Variants in MOGAT1 observed in about 807,000 individuals in gnomAD.
MOGAT1 encodes 2-acylglycerol O-acyltransferase 1.
MOGAT1 carries 32 observed loss-of-function variants against 31.4 expected under a neutral mutation model. The observed-to-expected ratio is 1.02, with a 90% CI of 0.77 to 1.37. MOGAT1 has a LOEUF of 1.37. MOGAT1 is among the 40% of genes most tolerant of loss of function. The probability of loss-of-function intolerance (pLI) is 0.00; values close to 1 mark genes in which losing one functional copy is unlikely to be tolerated. For missense variants in MOGAT1, 426 were observed against 402.0 expected (o/e 1.06, Z -0.51); for synonymous variants, 145 against 144.5 (o/e 1.00, Z -0.03).
At chr2:222,708,156 T>G (rs1223918005) in intron 5 of MOGAT1, among the ~76,000 whole-genome samples, 1 of 152,218 alleles carries the variant, frequency 6.6e-6, no homozygotes, top group African/African-American at 2.4e-5. Context: ...CAATCCGGTC[T>G]TACTGCAACC....
intron 1 of MOGAT1, among the ~76,000 whole-genome samples, chr2:222,687,300 G>C (rs1270486274): frequency 6.6e-6 from 1 of 151,990 alleles, no homozygotes; most frequent in African/African-American, 2.4e-5. Flanking sequence ...AAGTTGATTG[G>C]CAGTAGATAA....
At chr2:222,677,717 G>C in intron 1 of MOGAT1, 1 of 418,182 alleles carries the variant, frequency 2.4e-6, no homozygotes, top group South Asian at 2.0e-5. Flanking sequence ...TTTTCTTTCC[G>C]TGTCGATTCT....
chr2:222,706,932 C>T (rs1180019543), intron 5 of MOGAT1, among the ~76,000 whole-genome samples: 4 of 152,126 alleles, frequency 2.6e-5, no homozygotes, highest in Non-Finnish European at 5.9e-5. Context: ...TGGTGGCTCA[C>T]GCCGACCTAG....
At chr2:222,708,066 C>CT (rs61687108) in intron 5 of MOGAT1, among the ~76,000 whole-genome samples, 3,491 of 151,864 alleles carry the variant, frequency 0.023, 152 homozygotes, top group African/African-American at 0.079. Context: ...TGTACATTTT[C>CT]TTTTTTTTGT....
chr2:222,705,146 T>C (rs1374225014), intron 5 of MOGAT1, among the ~76,000 whole-genome samples: 1 of 152,212 alleles, frequency 6.6e-6, no homozygotes, highest in Non-Finnish European at 1.5e-5. Flanking sequence ...CCATGGCATT[T>C]GTAAACTGCC....
chr2:222,672,751 A>G (rs1692438857), intron 1 of MOGAT1, among the ~76,000 whole-genome samples: 1 of 151,992 alleles, frequency 6.6e-6, no homozygotes, highest in African/African-American at 2.4e-5. Context: ...AGCCCATTGC[A>G]TTGGAGAGTT....
chr2:222,680,320 T>C (rs1559228370), intron 1 of MOGAT1, among the ~76,000 whole-genome samples: 1 of 152,254 alleles, frequency 6.6e-6, no homozygotes, highest in African/African-American at 2.4e-5. Context: ...ATTTAGAACA[T>C]GGGGCTGGTT....
chr2:222,681,810 T>G (rs1692585046), intron 1 of MOGAT1, among the ~76,000 whole-genome samples: 2 of 151,704 alleles, frequency 1.3e-5, no homozygotes, highest in Admixed American at 1.3e-4. Context: ...AGGACTGGGG[T>G]CCAAATATTA....
At chr2:222,708,891 C>T (rs1693069846) in intron 5 of MOGAT1, among the ~76,000 whole-genome samples, 1 of 152,148 alleles carries the variant, frequency 6.6e-6, no homozygotes, top group Admixed American at 6.6e-5. Flanking sequence ...ATGACTATTA[C>T]ATGGTTTATT....
chr2:222,674,813 C>A (rs1418321277), intron 1 of MOGAT1, among the ~76,000 whole-genome samples: 2 of 152,126 alleles, frequency 1.3e-5, no homozygotes, highest in Non-Finnish European at 2.9e-5. Flanking sequence ...CTAAATTGTA[C>A]CAAAACTACA....
At chr2:222,708,802 C>T in intron 5 of MOGAT1, among the ~76,000 whole-genome samples, 1 of 151,940 alleles carries the variant, frequency 6.6e-6, no homozygotes, top group East Asian at 1.9e-4. Flanking sequence ...ACATTTTAGA[C>T]ATCTGTGTGT....
At chr2:222,680,058 C>A (rs1205617596) in intron 1 of MOGAT1, among the ~76,000 whole-genome samples, 1 of 152,162 alleles carries the variant, frequency 6.6e-6, no homozygotes, top group Non-Finnish European at 1.5e-5. Flanking sequence ...ATGGAGGCTG[C>A]CCTGATTAAT....
chr2:222,674,597 T>C (rs1692469710), intron 1 of MOGAT1, among the ~76,000 whole-genome samples: 2 of 152,220 alleles, frequency 1.3e-5, no homozygotes. Context: ...TTCCTCCTCA[T>C]CCTCCACCCT....
Position 222,671,728 on chromosome 2 carries a change from C to A in MOGAT1, c.-58C>A. ...CCGGCCGGGCACTTCCCACAGGCGC[C>A]GCAGAGCAGCGTGGGTGCAGGCTGC... is the stretch of plus-strand genomic sequence containing the variant. On this transcript the variant is annotated 5_prime_UTR_variant, in exon 1 of 6. Transcript: ENST00000446656. The A allele has an allele frequency of 7.0e-7, 1 of 1,435,600 alleles. No individual in the cohort carries two copies. Among genetic ancestry groups the A allele is most frequent in the Non-Finnish European group, 9.6e-7 (1 of 1,044,898 alleles). The allele number at this position is 1,435,600 out of a possible 1,614,324, so 88.9% of individuals were successfully genotyped here. A position where few individuals can be genotyped will look rare whatever the true frequency, so the allele number is the denominator to read the frequency against.
rs550050801 is a variant in MOGAT1, at chr2:222,691,312, A to T, written c.478+1843A>T. On this transcript the variant is annotated intron_variant, in intron 3 of 5. Coordinates refer to ENST00000446656, the MANE Select transcript of MOGAT1 (RefSeq NM_058165.3). ...GACCTCTGCCTCCCTGGTTCAAGTG[A>T]TTCTCCTGCCTCAGCCTCCCAAGCA... Among the ~76,000 whole-genome samples, 85 of 151,630 alleles carry T rather than the reference A, an allele frequency of 5.6e-4. 1 individual carries two copies. In the South Asian group the frequency reaches 0.016, roughly 28 times the overall value.
chr2:222,688,456 C>A lies in MOGAT1; in HGVS notation c.207C>A (p.Gly69=). 6.2e-7 allele frequency: 1 copy of A among 1,613,750 alleles called. No individual in the cohort carries two copies. The highest frequency in any genetic ancestry group is 8.5e-7 in the Non-Finnish European group (1 of 1,179,770). ...ACTGGCATACCCCAGAGCGAGGAGG[C>A]AGGAGATCCAGCTGGATCAAAAATT... The part of the protein sequence containing the change: ...YFDWHTPERG[G]RRSSWIKNWT... Residue 69 remains glycine, a synonymous_variant, in exon 2 of 6, where the codon GGC becomes GGA. Transcript: ENST00000446656.
intron 5 of MOGAT1, among the ~76,000 whole-genome samples, chr2:222,701,270 GAA>G: frequency 8.0e-6 from 1 of 124,832 alleles, no homozygotes; most frequent in Non-Finnish European, 1.7e-5. Flanking sequence ...AAGAAAGAGA[GAA>G]AAAGAGAGAG....
intron 5 of MOGAT1, among the ~76,000 whole-genome samples, chr2:222,703,099 C>A (rs1370264687): frequency 6.6e-6 from 1 of 151,898 alleles, no homozygotes; most frequent in Non-Finnish European, 1.5e-5. Flanking sequence ...TATGTGGGAA[C>A]CCCCATAAGA....
At chr2:222,702,639 G>T (rs1692943770) in intron 5 of MOGAT1, among the ~76,000 whole-genome samples, 5 of 151,584 alleles carry the variant, frequency 3.3e-5, no homozygotes, top group Admixed American at 3.3e-4. Context: ...AAAAAAGATA[G>T]GTAAGGGAAT....
Sources: allele counts gnomAD v4.1 joint callset (sites outside exome capture counted in the v4.1 genomes callset), GRCh38; gene constraint gnomAD v4.1.1; transcripts MANE v1.5; gene names NCBI Gene and HGNC (gene_info 2026-07-23, HGNC 2026-07-21).